Variants in GRIK2 observed in about 807,000 individuals in gnomAD.
GRIK2 encodes the protein glutamate receptor ionotropic, kainate 2.
A neutral mutation model predicts 100.3 loss-of-function variants in GRIK2; 32 were observed. That is an observed-to-expected ratio of 0.32 (90% CI 0.24 to 0.43). The LOEUF (loss-of-function observed/expected upper bound fraction) is 0.43. Among genes scored for constraint, GRIK2 ranks in the 20% least tolerant of loss-of-function variants. The pLI, the probability that GRIK2 is intolerant of heterozygous loss-of-function variation, is 1.00. For synonymous variants in GRIK2, 417 were observed against 389.4 expected, an observed-to-expected ratio of 1.07 and a Z score of -0.83; for missense variants, 843 against 1,114.9, an observed-to-expected ratio of 0.76 and a Z score of 3.47.
At chr6:101,760,716 T>TTATATATAATTATATATAATTA (rs1435325756) in intron 7 of GRIK2, among the ~76,000 whole-genome samples, 14 of 103,744 alleles carry the variant, frequency 1.3e-4, no homozygotes, top group African/African-American at 3.7e-4. Flanking sequence ...ATATATTTAA[T>TTATATATAATTATATATAATTA]TATATTTAAT....
At chr6:101,752,191 A>G (rs1234650122) in intron 7 of GRIK2, among the ~76,000 whole-genome samples, 1 of 152,070 alleles carries the variant, frequency 6.6e-6, no homozygotes, top group Non-Finnish European at 1.5e-5. Flanking sequence ...TTGTGCTTCA[A>G]TTCTTTTCCA....
Position 102,068,388 on chromosome 6 carries a change from C to G in GRIK2, c.2604C>G (p.Ser868=). The change falls in exon 17 of 17, where the codon TCC becomes TCG. Residue 868 remains serine (S), a synonymous_variant. Coordinates refer to ENST00000369134, the MANE Select transcript of GRIK2 (RefSeq NM_021956.5). ...CCATGGTAGAAGAATTGAGGATGTC[C>G]CTGAAGTGCCAGCGTCGGTTAAAAC... ...CSAMVEELRM[S]LKCQRRLKHK... The G allele has an allele frequency of 6.2e-7, 1 of 1,611,602 alleles. No individual in the cohort carries two copies. Among genetic ancestry groups the G allele is most frequent in the Non-Finnish European group, 8.5e-7 (1 of 1,178,360 alleles).
At chr6:101,862,891 T>C (rs111729254) in intron 11 of GRIK2, among the ~76,000 whole-genome samples, 31 of 152,316 alleles carry the variant, frequency 2.0e-4, no homozygotes, top group African/African-American at 6.0e-4. Context: ...AGATTTTCCA[T>C]TGGGCTGATC....
At chr6:101,449,996 T>C (rs1770585936) in intron 2 of GRIK2, among the ~76,000 whole-genome samples, 1 of 151,686 alleles carries the variant, frequency 6.6e-6, no homozygotes, top group African/African-American at 2.4e-5. Context: ...TCACTCTTTG[T>C]TCATTTTTTG....
intron 4 of GRIK2, among the ~76,000 whole-genome samples, chr6:101,667,158 C>A (rs1292578931): frequency 6.6e-6 from 1 of 152,084 alleles, no homozygotes; most frequent in Non-Finnish European, 1.5e-5. Context: ...CATATAAGAT[C>A]ATCCTGTGGG....
intron 4 of GRIK2, among the ~76,000 whole-genome samples, chr6:101,666,551 G>T (rs1405552908): frequency 6.6e-6 from 1 of 152,218 alleles, no homozygotes; most frequent in Non-Finnish European, 1.5e-5. Context: ...ATAAACAAAA[G>T]CACTCTTGTT....
At chr6:101,556,142 TA>T (rs1776724906) in intron 2 of GRIK2, among the ~76,000 whole-genome samples, 1 of 151,840 alleles carries the variant, frequency 6.6e-6, no homozygotes, top group Admixed American at 6.6e-5. Flanking sequence ...TAAATGCTCA[TA>T]AAGACATGAC....
At chr6:101,441,706 G>A (rs1203112858) in intron 2 of GRIK2, among the ~76,000 whole-genome samples, 1 of 152,146 alleles carries the variant, frequency 6.6e-6, no homozygotes, top group South Asian at 2.1e-4. Flanking sequence ...CATGTATGGG[G>A]TTTGGTGTAC....
chr6:101,490,600 G>C (rs550816014), intron 2 of GRIK2, among the ~76,000 whole-genome samples: 1 of 146,918 alleles, frequency 6.8e-6, no homozygotes, highest in African/African-American at 2.6e-5. Flanking sequence ...GGAAAGTATT[G>C]TCTTGAAGAG....
intron 2 of GRIK2, among the ~76,000 whole-genome samples, chr6:101,419,571 A>ATTT (rs1776317453): frequency 6.6e-6 from 1 of 152,206 alleles, no homozygotes; most frequent in African/African-American, 2.4e-5. Flanking sequence ...GTAGATAATA[A>ATTT]TTGTATAGTG....
At chr6:101,814,571 A>G (rs1457648050) in intron 9 of GRIK2, among the ~76,000 whole-genome samples, 8 of 152,132 alleles carry the variant, frequency 5.3e-5, no homozygotes, top group Non-Finnish European at 1.0e-4. Flanking sequence ...GTCTTATGGA[A>G]ACTACCATGA....
chr6:101,568,662 A>G (rs991269944), intron 2 of GRIK2, among the ~76,000 whole-genome samples: 1 of 152,076 alleles, frequency 6.6e-6, no homozygotes, highest in Non-Finnish European at 1.5e-5. Flanking sequence ...TTACTGTGCA[A>G]TGCAAATGTC....
chr6:101,413,957 A>C (rs1027401672), intron 2 of GRIK2, among the ~76,000 whole-genome samples: 1 of 152,192 alleles, frequency 6.6e-6, no homozygotes, highest in Non-Finnish European at 1.5e-5. Context: ...TCAATCATTC[A>C]TTTAACAAAT....
chr6:101,854,259 TATTA>T (rs138107434), intron 10 of GRIK2, among the ~76,000 whole-genome samples: 3,161 of 152,220 alleles, frequency 0.021, 53 homozygotes, highest in Middle Eastern at 0.044. Flanking sequence ...AAATTAAGTC[TATTA>T]ATTAATTAAT....
At chr6:101,436,906 C>T (rs922472006) in intron 2 of GRIK2, among the ~76,000 whole-genome samples, 15 of 150,606 alleles carry the variant, frequency 1.0e-4, no homozygotes, top group South Asian at 2.1e-4. Context: ...TTGTAAATTT[C>T]GTCTAAATTA....
intron 15 of GRIK2, among the ~76,000 whole-genome samples, chr6:102,053,331 T>C (rs1771300383): frequency 6.6e-6 from 1 of 152,148 alleles, no homozygotes; most frequent in South Asian, 2.1e-4. Flanking sequence ...AAATTGATCT[T>C]TCAACTGGCA....
intron 10 of GRIK2, among the ~76,000 whole-genome samples, chr6:101,857,314 C>T (rs565293682): frequency 6.6e-6 from 1 of 152,152 alleles, no homozygotes; most frequent in Non-Finnish European, 1.5e-5. Context: ...TACGAAACAA[C>T]GTGCCAATCT....
intron 2 of GRIK2, among the ~76,000 whole-genome samples, chr6:101,402,368 G>GTGCTCAAGAAAA (rs1775360547): frequency 6.6e-6 from 1 of 152,156 alleles, no homozygotes; most frequent in African/African-American, 2.4e-5. Flanking sequence ...AGAAAACTTT[G>GTGCTCAAGAAAA]CAGTTACACC....
chr6:102,017,441 G>A (rs930376136), intron 14 of GRIK2, among the ~76,000 whole-genome samples: 7 of 152,062 alleles, frequency 4.6e-5, no homozygotes, highest in African/African-American at 1.7e-4. Context: ...ACTTGAGTGG[G>A]GACATAAAGC....
Sources: allele counts gnomAD v4.1 joint callset (sites outside exome capture counted in the v4.1 genomes callset), GRCh38; gene constraint gnomAD v4.1.1; transcripts MANE v1.5; gene names NCBI Gene and HGNC (gene_info 2026-07-23, HGNC 2026-07-21).